Variants in CD96 observed in about 807,000 individuals in gnomAD.
CD96 encodes T-cell surface protein tactile.
A neutral mutation model predicts 71.3 loss-of-function variants in CD96; 70 were observed. The ratio of observed to expected loss-of-function variants is 0.98; its 90% CI spans 0.81 to 1.20. The LOEUF (loss-of-function observed/expected upper bound fraction) is 1.20. Among genes scored for constraint, CD96 ranks in the 50% most tolerant of loss-of-function variants. The pLI is 0.00. For missense variants in CD96, 742 were observed against 677.5 expected (o/e 1.10, Z -1.06); for synonymous variants, 248 against 233.0 (o/e 1.06, Z -0.59).
intron 5 of CD96, chr3:111,593,060 A>G (rs986445102): frequency 6.6e-6 from 1 of 152,666 alleles, no homozygotes; most frequent in Admixed American, 6.5e-5. Context: ...GGTGGTCTGG[A>G]AACTCCACCA....
intron 2 of CD96, among the ~76,000 whole-genome samples, chr3:111,554,757 A>T (rs1576307587): frequency 6.6e-6 from 1 of 152,082 alleles, no homozygotes; most frequent in Non-Finnish European, 1.5e-5. Context: ...CAAGCCTATT[A>T]CATTTATTGT....
intron 8 of CD96, among the ~76,000 whole-genome samples, chr3:111,615,569 G>A (rs1477822097): frequency 6.6e-6 from 1 of 152,166 alleles, no homozygotes; most frequent in East Asian, 1.9e-4. Flanking sequence ...TGACCAGTCT[G>A]TCTTTGTCTA....
chr3:111,657,259 A>G (rs528178129), downstream of CD96, among the ~76,000 whole-genome samples: 8 of 152,134 alleles, frequency 5.3e-5, no homozygotes, highest in African/African-American at 1.9e-4. Context: ...CTCTACTAAA[A>G]ATACAAAAAT....
chr3:111,647,790 A>G, intron 13 of CD96, 124 bp downstream of exon 13: 5 of 734,738 alleles, frequency 6.8e-6, no homozygotes, highest in Non-Finnish European at 1.2e-5. Flanking sequence ...ATGCTCACAG[A>G]AGCTCAGAGA....
At chr3:111,637,069 C>T (rs879050602) in intron 10 of CD96, 127 bp from the exon 11 acceptor site, 13 of 698,820 alleles carry the variant, frequency 1.9e-5, no homozygotes, top group Non-Finnish European at 3.4e-5. Context: ...TGCTATGGAA[C>T]AGTTTAATGA....
chr3:111,658,334 G>C (rs1323577116), intron 14 of CD96, among the ~76,000 whole-genome samples: 1 of 152,162 alleles, frequency 6.6e-6, no homozygotes. Flanking sequence ...TAGCTATATA[G>C]ATAGGTAGAT....
chr3:111,554,257 A>G (rs1160955518), intron 2 of CD96, among the ~76,000 whole-genome samples: 2 of 151,990 alleles, frequency 1.3e-5, no homozygotes, highest in Non-Finnish European at 2.9e-5. Flanking sequence ...CATGAACTCT[A>G]TCTCTATGAT....
intron 4 of CD96, among the ~76,000 whole-genome samples, chr3:111,583,451 C>G (rs1294623230): frequency 2.6e-5 from 4 of 152,212 alleles, no homozygotes; most frequent in Non-Finnish European, 5.9e-5. Context: ...CTCCACTAGT[C>G]AGTGCCCCAT....
chr3:111,544,148 C>T (rs1029229709), intron 1 of CD96, among the ~76,000 whole-genome samples: 4 of 151,978 alleles, frequency 2.6e-5, no homozygotes, highest in Non-Finnish European at 4.4e-5. Flanking sequence ...TGTTTTGTTT[C>T]GTTTTTCGTT....
intron 2 of CD96, 130 bp downstream of exon 2, chr3:111,545,532 G>A: frequency 1.4e-6 from 1 of 715,094 alleles, no homozygotes; most frequent in Non-Finnish European, 2.5e-6. Flanking sequence ...GCTACTGTCT[G>A]ATAAGAGAGA....
intron 12 of CD96, among the ~76,000 whole-genome samples, chr3:111,640,319 A>G (rs957362919): frequency 1.3e-5 from 2 of 152,226 alleles, no homozygotes; most frequent in Non-Finnish European, 1.5e-5. Flanking sequence ...GAAACTTTAG[A>G]CACACTTTTA....
Position 111,570,473 on chromosome 3 carries a change from G to A in CD96, c.543+2826G>A, listed in dbSNP as rs142637499. The stretch of plus-strand genomic sequence containing the variant: ...TATCATGGTGAATTTCTCTGGGCTC[G>A]TGGGTTAGGGGTCACAGTGGAGCCA... On this transcript the variant is annotated intron_variant, in intron 3 of 13. Coordinates refer to ENST00000352690, the MANE Select transcript of CD96 (RefSeq NM_005816.5). Among the ~76,000 whole-genome samples the A allele has an allele frequency of 3.2e-4, 49 of 152,188 alleles. No individual in the cohort carries two copies. In the East Asian group the frequency reaches 8.1e-3, roughly 25 times the overall value.
intron 2 of CD96, among the ~76,000 whole-genome samples, chr3:111,554,810 A>G (rs1272018689): frequency 6.6e-6 from 1 of 151,984 alleles, no homozygotes; most frequent in Non-Finnish European, 1.5e-5. Flanking sequence ...ATATAATGAA[A>G]TAATTATACA....
chr3:111,616,719 T>C (rs1376808890), intron 8 of CD96, among the ~76,000 whole-genome samples: 6 of 152,190 alleles, frequency 3.9e-5, no homozygotes, highest in Non-Finnish European at 5.9e-5. Flanking sequence ...CCGACTGGAC[T>C]AGCTGCTGTG....
At chr3:111,567,285 C>A (rs1423305886) in intron 2 of CD96, among the ~76,000 whole-genome samples, 3 of 152,150 alleles carry the variant, frequency 2.0e-5, no homozygotes, top group Non-Finnish European at 4.4e-5. Flanking sequence ...GAGTTTGATT[C>A]TGTTGGGGTC....
intron 12 of CD96, among the ~76,000 whole-genome samples, chr3:111,644,850 C>A (rs766651804): frequency 2.2e-4 from 34 of 151,234 alleles, no homozygotes; most frequent in Non-Finnish European, 3.7e-4. Flanking sequence ...TGGCCATAAT[C>A]AAAAAAAATG....
chr3:111,661,041 C>T (rs1407375700), intron 14 of CD96, among the ~76,000 whole-genome samples: 2 of 152,174 alleles, frequency 1.3e-5, no homozygotes, highest in Non-Finnish European at 2.9e-5. Context: ...CAGAGTTCCA[C>T]AGGCTGTATG....
chr3:111,546,755 T>G, intron 2 of CD96, among the ~76,000 whole-genome samples: 1 of 152,032 alleles, frequency 6.6e-6, no homozygotes, highest in East Asian at 1.9e-4. Flanking sequence ...AGGTATGGAT[T>G]TATAGCCTCC....
At chr3:111,594,058 G>A in intron 5 of CD96, 1 of 1,614,152 alleles carries the variant, frequency 6.2e-7, no homozygotes, top group Non-Finnish European at 8.5e-7. Context: ...TGCCCTTGTT[G>A]TGGGGCATTG....
Sources: allele counts gnomAD v4.1 joint callset (sites outside exome capture counted in the v4.1 genomes callset), GRCh38; gene constraint gnomAD v4.1.1; transcripts MANE v1.5; gene names NCBI Gene and HGNC (gene_info 2026-07-23, HGNC 2026-07-21).